Variants in WNT7A observed in about 807,000 individuals in gnomAD.
WNT7A encodes the protein Wnt family member 7A.
WNT7A carries 16 observed loss-of-function variants against 28.2 expected under a neutral mutation model. That is an observed-to-expected ratio of 0.57 (90% CI 0.38 to 0.86). The LOEUF is 0.86. Among genes scored for constraint, WNT7A ranks in the 40% least tolerant of loss-of-function variants. The pLI, the probability that WNT7A is intolerant of heterozygous loss-of-function variation, is 0.00. For synonymous variants in WNT7A, 190 were observed against 195.9 expected, an observed-to-expected ratio of 0.97 and a Z score of 0.25; for missense variants, 411 against 489.7, an observed-to-expected ratio of 0.84 and a Z score of 1.52.
intron 3 of WNT7A, among the ~76,000 whole-genome samples, chr3:13,832,002 A>G (rs1426898510): frequency 6.6e-6 from 1 of 152,022 alleles, no homozygotes; most frequent in African/African-American, 2.4e-5. Context: ...CCGGGAGACA[A>G]TAAGTGTGGA....
intron 2 of WNT7A, among the ~76,000 whole-genome samples, chr3:13,860,416 C>T (rs373466287): frequency 2.2e-4 from 34 of 152,300 alleles, no homozygotes; most frequent in African/African-American, 5.8e-4. Flanking sequence ...ACTTCTAAAA[C>T]GAGATGGCAT....
chr3:13,819,464 C>A lies in WNT7A; in HGVS notation c.571-41G>T, dbSNP rs752066346. 25 of 1,598,518 alleles carry A rather than the reference C, an allele frequency of 1.6e-5. No homozygotes were observed. The African/African-American group carries it at 2.5e-4, about 16-fold the overall frequency. On this transcript the variant is annotated intron_variant, in intron 3 of 3. Coordinates refer to ENST00000285018, the MANE Select transcript of WNT7A (RefSeq NM_004625.4). ...GGGAAGAGCACAGCACAGGTCACTGCACGCCAAGGCCAAGTGCAGCCCCCA... is the reference window on the plus strand; with the variant it reads ...GGGAAGAGCACAGCACAGGTCACTGAACGCCAAGGCCAAGTGCAGCCCCCA...
intron 2 of WNT7A, among the ~76,000 whole-genome samples, chr3:13,866,457 C>T (rs75391621): frequency 0.06 from 9,094 of 152,252 alleles, 451 homozygotes; most frequent in South Asian, 0.19. Flanking sequence ...CACTACACAG[C>T]GCTGCACAGA....
Position 13,818,686 on chromosome 3 carries a change from C to T in WNT7A, c.*258G>A. The T allele has an allele frequency of 2.8e-6, 1 of 361,402 alleles. No individual in the cohort carries two copies. The highest frequency in any genetic ancestry group is 4.9e-6 in the Non-Finnish European group (1 of 203,908). 22.4% of individuals were successfully genotyped at this position (361,402 alleles called of 1,614,324 possible). A position where few individuals can be genotyped will look rare whatever the true frequency, so the allele number is the denominator to read the frequency against. ...GCCCAGGGGTCCAGAGTTCCTGCTG[C>T]AGAAGGCTTCGCTCCAGCCGCGGAG... On this transcript the variant is annotated 3_prime_UTR_variant, in exon 4 of 4. Transcript: ENST00000285018.
At chr3:13,825,550 C>G (rs1159597525) in intron 3 of WNT7A, among the ~76,000 whole-genome samples, 1 of 152,230 alleles carries the variant, frequency 6.6e-6, no homozygotes, top group African/African-American at 2.4e-5. Flanking sequence ...CTTTAAGCTA[C>G]CAGCAGTTTA....
intron 1 of WNT7A, chr3:13,877,231 G>C (rs1695123682): frequency 6.6e-6 from 1 of 152,256 alleles, no homozygotes; most frequent in African/African-American, 2.4e-5. Flanking sequence ...ACACAGCCCT[G>C]TGGGGCAAGA....
intron 3 of WNT7A, among the ~76,000 whole-genome samples, chr3:13,847,656 A>G (rs76372646): frequency 0.014 from 2,059 of 152,350 alleles, 29 homozygotes; most frequent in Admixed American, 0.04. Flanking sequence ...GTTAATTCAA[A>G]GCAATCACAG....
In WNT7A at chr3:13,875,223, T is replaced by G. The variant is rs1377150485; in HGVS notation, c.72-50A>C. 3.1e-6 allele frequency: 5 copies of G among 1,601,884 alleles called. No homozygotes were observed. In the African/African-American group the frequency reaches 4.0e-5, roughly 13 times the overall value. On this transcript the variant is annotated intron_variant, in intron 1 of 3. Transcript: ENST00000285018. ...GGAGCATTAGGCCAGCAAGGGGGCATGGCCTGGGAACCCTTCGTAGGTGTC... is the reference window on the plus strand; with the variant it reads ...GGAGCATTAGGCCAGCAAGGGGGCAGGGCCTGGGAACCCTTCGTAGGTGTC...
chr3:13,822,636 G>T (rs139064793), intron 3 of WNT7A, among the ~76,000 whole-genome samples: 1 of 152,348 alleles, frequency 6.6e-6, no homozygotes, highest in African/African-American at 2.4e-5. Flanking sequence ...ATTCATTGTG[G>T]TGATGGTTGC....
At chr3:13,840,239 G>A (rs547499459) in intron 3 of WNT7A, among the ~76,000 whole-genome samples, 1 of 152,236 alleles carries the variant, frequency 6.6e-6, no homozygotes, top group East Asian at 1.9e-4. Context: ...AAATGCCCCT[G>A]CTCCTGACAT....
chr3:13,849,139 T>C (rs1294812244), intron 3 of WNT7A, among the ~76,000 whole-genome samples: 1 of 152,230 alleles, frequency 6.6e-6, no homozygotes, highest in African/African-American at 2.4e-5. Context: ...GACCATTGTG[T>C]GCTCTGCATC....
intron 1 of WNT7A, 22 bp downstream of exon 1, chr3:13,879,723 GA>G (rs1695178197): frequency 6.2e-7 from 1 of 1,610,096 alleles, no homozygotes; most frequent in East Asian, 2.2e-5. Context: ...AACACGCGCG[GA>G]AAGGGCGCAG....
Position 13,879,820 on chromosome 3 carries a change from C to A in WNT7A, c.-4G>T, listed in dbSNP as rs1395596258. The A allele has an allele frequency of 3.1e-6, 5 of 1,609,966 alleles. No individual in the cohort carries two copies. Among genetic ancestry groups the A allele is most frequent in the Non-Finnish European group, 4.2e-6 (5 of 1,178,084 alleles). On this transcript the variant is annotated 5_prime_UTR_variant, in exon 1 of 4. Transcript: ENST00000285018. The stretch of plus-strand genomic sequence containing the variant: ...AGCGCCGCGCTTTCCGGTTCATAGT[C>A]CCGATTGGCCGCCGGGGCCGCGGGC...
chr3:13,873,986 T>C (rs1695064271), intron 2 of WNT7A, among the ~76,000 whole-genome samples: 1 of 152,126 alleles, frequency 6.6e-6, no homozygotes, highest in South Asian at 2.1e-4. Flanking sequence ...ATGATCTGAT[T>C]TCCATGTAAA....
chr3:13,878,642 G>A (rs1249055827), intron 1 of WNT7A, among the ~76,000 whole-genome samples: 3 of 152,152 alleles, frequency 2.0e-5, no homozygotes, highest in Non-Finnish European at 4.4e-5. Flanking sequence ...TAGGGGGGTA[G>A]TAGTGACAAA....
At chr3:13,871,616 C>T (rs1695026680) in intron 2 of WNT7A, among the ~76,000 whole-genome samples, 1 of 152,078 alleles carries the variant, frequency 6.6e-6, no homozygotes, top group Non-Finnish European at 1.5e-5. Flanking sequence ...CTCCCTTCTT[C>T]CTAGCTGGCC....
chr3:13,818,192 G>A lies in WNT7A; in HGVS notation c.*752C>T, dbSNP rs147243493. 1 of 150,318 alleles carries A rather than the reference G, an allele frequency of 6.7e-6. No individual in the cohort carries two copies. Among genetic ancestry groups the A allele is most frequent in the African/African-American group, 2.4e-5 (1 of 41,170 alleles). The allele number at this position is 150,318 out of a possible 1,614,324, so 9.3% of individuals were successfully genotyped here. A position where few individuals can be genotyped will look rare whatever the true frequency, so the allele number is the denominator to read the frequency against. On this transcript the variant is annotated 3_prime_UTR_variant, in exon 4 of 4. Coordinates refer to ENST00000285018, the MANE Select transcript of WNT7A (RefSeq NM_004625.4). Reference sequence around the variant, plus strand: ...GCTCACTTTCCGAAAGATGGAAACTGCTGGGAATTTATTATTTTTCCTCTC... The same window carrying A: ...GCTCACTTTCCGAAAGATGGAAACTACTGGGAATTTATTATTTTTCCTCTC...
intron 3 of WNT7A, among the ~76,000 whole-genome samples, chr3:13,843,000 T>G (rs1209016870): frequency 6.6e-6 from 1 of 152,138 alleles, no homozygotes; most frequent in Non-Finnish European, 1.5e-5. Flanking sequence ...AAGACCTAGG[T>G]GGACATCACC....
chr3:13,823,123 G>A (rs1380066095), intron 3 of WNT7A, among the ~76,000 whole-genome samples: 3 of 152,192 alleles, frequency 2.0e-5, no homozygotes, highest in African/African-American at 4.8e-5. Context: ...GTCACCAGAT[G>A]GGCACCCAGC....
Sources: allele counts gnomAD v4.1 joint callset (sites outside exome capture counted in the v4.1 genomes callset), GRCh38; gene constraint gnomAD v4.1.1; transcripts MANE v1.5; gene names NCBI Gene and HGNC (gene_info 2026-07-23, HGNC 2026-07-21).